The following WDR25 variants were observed in gnomAD, a reference collection of about 807,000 sequenced individuals.
The protein encoded by WDR25 is WD repeat-containing protein 25.
Under a neutral mutation model 47.7 loss-of-function variants are expected in WDR25, and 35 were observed. The ratio of observed to expected loss-of-function variants is 0.73; its 90% CI spans 0.56 to 0.97. The LOEUF (loss-of-function observed/expected upper bound fraction) is 0.97. Ranked by LOEUF, WDR25 falls within the 50% of genes least tolerant of loss-of-function variation. The pLI is 0.00. For missense variants in WDR25, 634 were observed against 704.7 expected (o/e 0.90, Z 1.14); for synonymous variants, 248 against 278.9 (o/e 0.89, Z 1.10).
chr14:100,517,524 A>G (rs1309955019), intron 4 of WDR25, among the ~76,000 whole-genome samples: 1 of 152,204 alleles, frequency 6.6e-6, no homozygotes. Flanking sequence ...CTTATTGTTA[A>G]TATTTTACCA....
At chr14:100,484,743 C>G (rs749945639) in intron 4 of WDR25, among the ~76,000 whole-genome samples, 1 of 152,116 alleles carries the variant, frequency 6.6e-6, no homozygotes, top group African/African-American at 2.4e-5. Context: ...CATCACATTC[C>G]CATACCCAAA....
intron 4 of WDR25, among the ~76,000 whole-genome samples, chr14:100,492,076 C>A (rs1009420711): frequency 6.6e-6 from 1 of 152,216 alleles, no homozygotes. Context: ...GAGCCCCCAC[C>A]AGAAACCAGG....
At chr14:100,492,575 G>T (rs1372316254) in intron 4 of WDR25, among the ~76,000 whole-genome samples, 2 of 152,172 alleles carry the variant, frequency 1.3e-5, no homozygotes, top group African/African-American at 4.8e-5. Flanking sequence ...CTATAAATAT[G>T]ATGTTTCTGT....
intron 2 of WDR25, among the ~76,000 whole-genome samples, chr14:100,453,366 C>G (rs988356488): frequency 6.6e-6 from 1 of 152,188 alleles, no homozygotes; most frequent in African/African-American, 2.4e-5. Flanking sequence ...GGCAACCTCT[C>G]TATGCTTCAG....
At chr14:100,466,710 G>C (rs1229409021) in intron 2 of WDR25, among the ~76,000 whole-genome samples, 1 of 152,320 alleles carries the variant, frequency 6.6e-6, no homozygotes, top group African/African-American at 2.4e-5. Context: ...GAGGCACTCC[G>C]TTCTGACTCC....
chr14:100,493,991 C>T (rs548010837), intron 4 of WDR25, among the ~76,000 whole-genome samples: 2 of 152,228 alleles, frequency 1.3e-5, no homozygotes, highest in African/African-American at 4.8e-5. Flanking sequence ...GTTGAGATAT[C>T]CTCAAGCTCA....
intron 2 of WDR25, among the ~76,000 whole-genome samples, chr14:100,433,944 G>A (rs530411900): frequency 7.2e-4 from 110 of 152,032 alleles, no homozygotes; most frequent in Non-Finnish European, 8.8e-5. Flanking sequence ...CCAAGATTTT[G>A]GCCAGGCATA....
chr14:100,500,299 C>T lies in WDR25; in HGVS notation c.1101+16175C>T, dbSNP rs1162755579. On this transcript the variant is annotated intron_variant, in intron 4 of 6. Coordinates refer to ENST00000402312, the MANE Select transcript of WDR25 (RefSeq NM_001161476.3). This position sits in a 1 kb window ranked among gnomAD's most constrained non-coding sequence, Gnocchi z 4.7. ...GGTGGTTCAGGACCTGCGGGGGCTG[C>T]GGGGAAGGCCCTGCCCTAATTCAGT... Among the ~76,000 whole-genome samples, 6 of 152,170 alleles carry T rather than the reference C, an allele frequency of 3.9e-5. No homozygotes were observed. Among genetic ancestry groups the T allele is most frequent in the Non-Finnish European group, 5.9e-5 (4 of 67,994 alleles).
intron 4 of WDR25, among the ~76,000 whole-genome samples, chr14:100,511,506 A>G (rs886758576): frequency 6.6e-6 from 1 of 152,092 alleles, no homozygotes; most frequent in East Asian, 1.9e-4. Context: ...CAATCTGGAC[A>G]CTATCTGTCT....
rs1378903113 is a variant in WDR25 at position 100,425,297 on chromosome 14, C to G, written c.823-42724C>G. ...GTCACCCCATGGGCCTAAGCTGTAA[C>G]GGGGCAGGGCTGTCACTTGCACTGA... On this transcript the variant is annotated intron_variant, in intron 2 of 6. Coordinates refer to ENST00000402312, the MANE Select transcript of WDR25 (RefSeq NM_001161476.3). This position sits in a 1 kb window ranked among gnomAD's most constrained non-coding sequence, Gnocchi z 4.8. Among the ~76,000 whole-genome samples the G allele has an allele frequency of 6.6e-6, 1 of 152,204 alleles. No homozygotes were observed. The highest frequency in any genetic ancestry group is 1.5e-5 in the Non-Finnish European group (1 of 68,038).
chr14:100,477,823 G>A (rs1340546251), intron 3 of WDR25, among the ~76,000 whole-genome samples: 1 of 152,246 alleles, frequency 6.6e-6, no homozygotes, highest in East Asian at 1.9e-4. Flanking sequence ...CGGGCGCCGT[G>A]GCTCACGCCT....
chr14:100,482,891 A>G (rs1201976606), intron 3 of WDR25, among the ~76,000 whole-genome samples: 5 of 152,214 alleles, frequency 3.3e-5, no homozygotes. Flanking sequence ...GGTACAAGGC[A>G]GTCAAGGTTC....
chr14:100,452,913 C>A (rs980450870), intron 2 of WDR25, among the ~76,000 whole-genome samples: 10 of 152,200 alleles, frequency 6.6e-5, no homozygotes, highest in African/African-American at 2.4e-4. Flanking sequence ...GTGGCCATCA[C>A]CACCATCCTC....
chr14:100,451,687 G>A (rs1425535834), intron 2 of WDR25, among the ~76,000 whole-genome samples: 1 of 152,182 alleles, frequency 6.6e-6, no homozygotes, highest in Non-Finnish European at 1.5e-5. Flanking sequence ...ACCAGCCTAA[G>A]GTTCTTGTGG....
At chr14:100,446,112 G>A (rs74664648) in intron 2 of WDR25, among the ~76,000 whole-genome samples, 4,393 of 152,296 alleles carry the variant, frequency 0.029, 84 homozygotes, top group Non-Finnish European at 0.043. Context: ...TCCTCCTGGC[G>A]TGGTGGGGAA....
intron 4 of WDR25, among the ~76,000 whole-genome samples, chr14:100,489,423 C>T (rs1900489991): frequency 6.6e-6 from 1 of 152,190 alleles, no homozygotes; most frequent in South Asian, 2.1e-4. Flanking sequence ...TTCAAGTTCA[C>T]TTTAAGATGA....
At position 100,530,164 on chromosome 14, in the gene WDR25, T is replaced by A; in HGVS notation, c.*123T>A. The stretch of plus-strand genomic sequence containing the variant: ...GGTCCTGGGTACCACCTTCTGAGCC[T>A]CAGTTTCCTCATCTGTAAAGTGGGG... On this transcript the variant is annotated 3_prime_UTR_variant, in exon 7 of 7. Transcript: ENST00000402312. The A allele has an allele frequency of 2.1e-6, 2 of 944,150 alleles. No individual in the cohort carries two copies. Among genetic ancestry groups the A allele is most frequent in the Non-Finnish European group, 3.1e-6 (2 of 640,660 alleles). 58.5% of individuals were successfully genotyped at this position (944,150 alleles called of 1,614,324 possible).
At chr14:100,406,685 CAT>C (rs1344674890) in intron 2 of WDR25, 2 of 152,304 alleles carry the variant, frequency 1.3e-5, no homozygotes, top group Non-Finnish European at 2.9e-5. Context: ...CGGCCTGTCA[CAT>C]GTGTGCAGCT....
Position 100,376,765 on chromosome 14 carries a change from T to C in WDR25, c.-16+270T>C, listed in dbSNP as rs139078495. Reference sequence around the variant, plus strand: ...CCTCCGGGGGGATCTGTGTTTTGTGTTTGATTTCCACCCACACCAGACCCA... The same window carrying C: ...CCTCCGGGGGGATCTGTGTTTTGTGCTTGATTTCCACCCACACCAGACCCA... On this transcript the variant is annotated intron_variant, in intron 1 of 6. Transcript: ENST00000402312. 352 of 1,228,308 alleles carry C rather than the reference T, an allele frequency of 2.9e-4. 1 individual carries two copies. The East Asian group carries it at 7.4e-3, about 26-fold the overall frequency. 76.1% of individuals were successfully genotyped at this position (1,228,308 alleles called of 1,614,324 possible). A position where few individuals can be genotyped will look rare whatever the true frequency, so the allele number is the denominator to read the frequency against.
Sources: allele counts gnomAD v4.1 joint callset (sites outside exome capture counted in the v4.1 genomes callset), GRCh38; gene constraint gnomAD v4.1.1; non-coding constraint Gnocchi (gnomAD v3.1); transcripts MANE v1.5; gene names NCBI Gene and HGNC (gene_info 2026-07-23, HGNC 2026-07-21).